Variants in SLC7A5 observed in about 807,000 individuals in gnomAD.
SLC7A5 encodes large neutral amino acids transporter small subunit 1.
A neutral mutation model predicts 50.2 loss-of-function variants in SLC7A5; 23 were observed. The observed-to-expected ratio is 0.46, with a 90% CI of 0.33 to 0.65. SLC7A5 has a LOEUF of 0.65. Among genes scored for constraint, SLC7A5 ranks in the 30% least tolerant of loss-of-function variants. The pLI, the probability that SLC7A5 is intolerant of heterozygous loss-of-function variation, is 0.02. For missense variants in SLC7A5, 578 were observed against 684.4 expected (o/e 0.84, Z 1.73); for synonymous variants, 393 against 330.6 (o/e 1.19, Z -2.05).
chr16:87,832,994 C>T lies in SLC7A5; in HGVS notation c.1500G>A (p.Met500Ile). ...GCTATGTCTCCTGGGGGACCACCTGCATGAGCTTCTGACACAGGACGGTCG... is the reference window on the plus strand; with the variant it reads ...GCTATGTCTCCTGGGGGACCACCTGTATGAGCTTCTGACACAGGACGGTCG... ...FSTTVLCQKL[M>I]QVVPQET is the part of the protein sequence containing the mutation. The change falls in exon 10 of 10, where the codon ATG (methionine) becomes ATA (isoleucine). Residue 500 changes from methionine (M) to isoleucine (I), a missense_variant. Coordinates refer to ENST00000261622, the MANE Select transcript of SLC7A5 (RefSeq NM_003486.7). This position sits in a 1 kb window ranked among gnomAD's most constrained non-coding sequence, Gnocchi z 4.6. The T allele has an allele frequency of 6.2e-7, 1 of 1,613,946 alleles. No individual in the cohort carries two copies. The highest frequency in any genetic ancestry group is 8.5e-7 in the Non-Finnish European group (1 of 1,179,936).
At chr16:87,840,158 C>G (rs1018573398) in intron 4 of SLC7A5, among the ~76,000 whole-genome samples, 1 of 152,206 alleles carries the variant, frequency 6.6e-6, no homozygotes, top group East Asian at 1.9e-4. Context: ...GCTGCACAGC[C>G]GGGGACCAGA....
chr16:87,860,908 G>A lies in SLC7A5; in HGVS notation c.538+7977C>T, dbSNP rs377266761. The stretch of plus-strand genomic sequence containing the variant: ...GACGGCCAGGGATGCAGGGAGAGAC[G>A]CCTCCCACACTCCCGGAGGCACGCA... On this transcript the variant is annotated intron_variant, in intron 1 of 9. Transcript: ENST00000261622. The surrounding 1 kb of genome is among the most constrained non-coding windows in gnomAD (Gnocchi z 4.8). 3.9e-5 allele frequency among the ~76,000 whole-genome samples: 6 copies of A among 152,180 alleles called. No individual in the cohort carries two copies. In the South Asian group the frequency reaches 6.2e-4, roughly 16 times the overall value.
At chr16:87,850,618 G>C (rs2055210076) in intron 2 of SLC7A5, among the ~76,000 whole-genome samples, 1 of 152,356 alleles carries the variant, frequency 6.6e-6, no homozygotes, top group African/African-American at 2.4e-5. Context: ...TAACTGCTCT[G>C]CTCCTAGGCT....
In SLC7A5 at chr16:87,841,510, T is replaced by C. The variant is rs1314434555; in HGVS notation, c.665-355A>G. 6.6e-6 allele frequency among the ~76,000 whole-genome samples: 1 copy of C among 152,044 alleles called. No homozygotes were observed. Among genetic ancestry groups the C allele is most frequent in the Non-Finnish European group, 1.5e-5 (1 of 67,988 alleles). Reference sequence around the variant, plus strand: ...GTTCCCTGAGACCTCACGACATGAGTGTCAAGGCAGTATAAAGCCAGGAGA... The same window carrying C: ...GTTCCCTGAGACCTCACGACATGAGCGTCAAGGCAGTATAAAGCCAGGAGA... On this transcript the variant is annotated intron_variant, in intron 2 of 9. Coordinates refer to ENST00000261622, the MANE Select transcript of SLC7A5 (RefSeq NM_003486.7). The surrounding 1 kb of genome is among the most constrained non-coding windows in gnomAD (Gnocchi z 4.8).
Position 87,833,141 on chromosome 16 carries a change from C to A in SLC7A5, c.1469-116G>T, listed in dbSNP as rs878968728. 1.2e-6 allele frequency: 1 copy of A among 856,490 alleles called. No individual in the cohort carries two copies. Among genetic ancestry groups the A allele is most frequent in the East Asian group, 2.5e-5 (1 of 40,524 alleles). 53.1% of individuals were successfully genotyped at this position (856,490 alleles called of 1,614,324 possible). On this transcript the variant is annotated intron_variant, in intron 9 of 9. Transcript: ENST00000261622. This position sits in a 1 kb window ranked among gnomAD's most constrained non-coding sequence, Gnocchi z 6.0. ...CTGTCACCAAACCCAGCGCCGCTGC[C>A]CAGCGCTGGGATTTTAAGGAACCTT... is the stretch of plus-strand genomic sequence containing the variant.
At position 87,853,023 on chromosome 16, in the gene SLC7A5, C is replaced by A. The variant is rs141319556; in HGVS notation, c.539-1174G>T. On this transcript the variant is annotated intron_variant, in intron 1 of 9. Transcript: ENST00000261622. This position sits in a 1 kb window ranked among gnomAD's most constrained non-coding sequence, Gnocchi z 4.4. ...AAAGGCCCAGCACGGGCCACCCACACAGCTCAGATCTCACAGCCCTCCCGG... is the reference window on the plus strand; with the variant it reads ...AAAGGCCCAGCACGGGCCACCCACAAAGCTCAGATCTCACAGCCCTCCCGG... 4.9e-3 allele frequency among the ~76,000 whole-genome samples: 743 copies of A among 152,350 alleles called. 14 individuals carry two copies. The highest frequency in any genetic ancestry group is 0.017 in the African/African-American group (696 of 41,574).
chr16:87,845,335 T>C (rs981285708), intron 2 of SLC7A5, among the ~76,000 whole-genome samples: 1 of 152,198 alleles, frequency 6.6e-6, no homozygotes, highest in African/African-American at 2.4e-5. Context: ...ACCCTGGAGC[T>C]AGCTGCCCTG....
intron 2 of SLC7A5, among the ~76,000 whole-genome samples, chr16:87,846,096 G>A (rs1383606011): frequency 1.3e-5 from 2 of 152,214 alleles, no homozygotes; most frequent in Non-Finnish European, 2.9e-5. Context: ...GAGTCGCGAA[G>A]TACCCACCCT....
intron 2 of SLC7A5, among the ~76,000 whole-genome samples, chr16:87,847,377 G>A (rs186912461): frequency 6.6e-5 from 10 of 152,278 alleles, no homozygotes; most frequent in Admixed American, 4.6e-4. Context: ...AGACAGGGCC[G>A]CACACCCCCA....
In SLC7A5 at chr16:87,869,354, C is replaced by T. The variant is rs1275750506; in HGVS notation, c.69G>A (p.Arg23=). The T allele has an allele frequency of 6.2e-7, 1 of 1,608,904 alleles. No homozygotes were observed. Among genetic ancestry groups the T allele is most frequent in the Non-Finnish European group, 8.5e-7 (1 of 1,178,714 alleles). Residue 23 remains arginine (R), a synonymous_variant, in exon 1 of 10, where the codon CGG becomes CGA. Transcript: ENST00000261622. ...CGCTCTTGGCGGCCAGCATCTTCTC[C>T]CGCGCCTCTTCCTTCTCCTCGGCCG... The part of the protein sequence containing the change: ...APAAEEKEEA[R]EKMLAAKSAD...
In SLC7A5 at chr16:87,869,474, C is replaced by A. The variant is rs1359439765; in HGVS notation, c.-52G>T. 5 of 1,223,042 alleles carry A rather than the reference C, an allele frequency of 4.1e-6. No individual in the cohort carries two copies. Among genetic ancestry groups the A allele is most frequent in the East Asian group, 3.6e-5 (1 of 27,894 alleles). The allele number at this position is 1,223,042 out of a possible 1,614,324, so 75.8% of individuals were successfully genotyped here. On this transcript the variant is annotated 5_prime_UTR_variant, in exon 1 of 10. Coordinates refer to ENST00000261622, the MANE Select transcript of SLC7A5 (RefSeq NM_003486.7). ...CACCCGGGAGCCGCGGCCCAGCGAGCAGTGTGCGCGCCGCCCGCCGCCCGC... is the reference window on the plus strand; with the variant it reads ...CACCCGGGAGCCGCGGCCCAGCGAGAAGTGTGCGCGCCGCCCGCCGCCCGC...
Position 87,830,376 on chromosome 16 carries a change from G to T in SLC7A5, c.*2594C>A, listed in dbSNP as rs925818422. The T allele has an allele frequency of 5.2e-5, 8 of 152,420 alleles. No homozygotes were observed. Among genetic ancestry groups the T allele is most frequent in the African/African-American group, 1.9e-4 (8 of 41,598 alleles). The allele number at this position is 152,420 out of a possible 1,614,324, so 9.4% of individuals were successfully genotyped here. A position where few individuals can be genotyped will look rare whatever the true frequency, so the allele number is the denominator to read the frequency against. ...ACGACTGAAAATGCACTTGCTTGTTGTGGTGGGTTGTGCTTGAAAACACCT... is the reference window on the plus strand; with the variant it reads ...ACGACTGAAAATGCACTTGCTTGTTTTGGTGGGTTGTGCTTGAAAACACCT... On this transcript the variant is annotated 3_prime_UTR_variant, in exon 10 of 10. Transcript: ENST00000261622.
chr16:87,847,313 G>A (rs932430887), intron 2 of SLC7A5, among the ~76,000 whole-genome samples: 1 of 152,230 alleles, frequency 6.6e-6, no homozygotes, highest in African/African-American at 2.4e-5. Context: ...GGGGGCCTTT[G>A]TCAGAAACAT....
chr16:87,861,999 A>G lies in SLC7A5; in HGVS notation c.538+6886T>C, dbSNP rs1023024343. Among the ~76,000 whole-genome samples, 1 of 151,900 alleles carries G rather than the reference A, an allele frequency of 6.6e-6. No individual in the cohort carries two copies. The highest frequency in any genetic ancestry group is 1.5e-5 in the Non-Finnish European group (1 of 67,978). Reference sequence around the variant, plus strand: ...CTGGGGCCCACCCAGCTCCTTAAACACGCAGAACCTTTGCCAGCTGAGCCA... The same window carrying G: ...CTGGGGCCCACCCAGCTCCTTAAACGCGCAGAACCTTTGCCAGCTGAGCCA... On this transcript the variant is annotated intron_variant, in intron 1 of 9. Transcript: ENST00000261622. The surrounding 1 kb of genome is among the most constrained non-coding windows in gnomAD (Gnocchi z 4.2).
intron 2 of SLC7A5, among the ~76,000 whole-genome samples, chr16:87,850,681 C>T (rs1214011315): frequency 6.6e-6 from 1 of 152,220 alleles, no homozygotes; most frequent in African/African-American, 2.4e-5. Context: ...CAGAGGCATC[C>T]CTGCTGGACT....
Position 87,841,121 on chromosome 16 carries a change from A to C in SLC7A5, c.699T>G (p.Phe233Leu), listed in dbSNP as rs771964154. 2.5e-6 allele frequency: 4 copies of C among 1,613,952 alleles called. No individual in the cohort carries two copies. The highest frequency in any genetic ancestry group is 3.4e-6 in the Non-Finnish European group (4 of 1,179,910). Residue 233 changes from phenylalanine to leucine, a missense_variant, in exon 3 of 10, where the codon TTT (phenylalanine) becomes TTG (leucine). This residue lies in a region of SLC7A5 where 465 missense variants were observed against 594.6 expected (regional missense o/e 0.78). Transcript: ENST00000261622. This position sits in a 1 kb window ranked among gnomAD's most constrained non-coding sequence, Gnocchi z 4.8. Reference protein sequence around the residue: ...DVSNLDPNFSFEGTKLDVGNI... With the variant: ...DVSNLDPNFSLEGTKLDVGNI... ...TCCCCACATCCAGTTTGGTGCCTTC[A>C]AATGAGAAGTTGGGATCTAGATTGG...
intron 2 of SLC7A5, among the ~76,000 whole-genome samples, chr16:87,846,267 A>G (rs2055152982): frequency 6.6e-6 from 1 of 152,214 alleles, no homozygotes; most frequent in Non-Finnish European, 1.5e-5. Context: ...GATGCCCTGG[A>G]GTCCCCCACA....
At chr16:87,836,261 G>A (rs764082649) in intron 8 of SLC7A5, among the ~76,000 whole-genome samples, 1 of 152,246 alleles carries the variant, frequency 6.6e-6, no homozygotes, top group Non-Finnish European at 1.5e-5. Flanking sequence ...CCACCCAACG[G>A]AGCACAAGCT....
chr16:87,858,233 C>T (rs2055344840), intron 1 of SLC7A5, among the ~76,000 whole-genome samples: 2 of 152,220 alleles, frequency 1.3e-5, no homozygotes. Context: ...ACTGGAACAA[C>T]TGCCTCCTGC....
Sources: allele counts gnomAD v4.1 joint callset (sites outside exome capture counted in the v4.1 genomes callset), GRCh38; gene constraint gnomAD v4.1.1; regional missense constraint gnomAD v4.1.1; non-coding constraint Gnocchi (gnomAD v3.1); transcripts MANE v1.5; gene names NCBI Gene and HGNC (gene_info 2026-07-23, HGNC 2026-07-21).